GPC6: variants seen among roughly 807,000 people sequenced by gnomAD.
The protein encoded by GPC6 is glypican-6.
A neutral mutation model predicts 55.2 loss-of-function variants in GPC6; 14 were observed. That is an observed-to-expected ratio of 0.25 (90% CI 0.17 to 0.40). The LOEUF is 0.40. Ranked by LOEUF, GPC6 falls within the 10% of genes least tolerant of loss-of-function variation. The probability of loss-of-function intolerance (pLI) is 1.00; values close to 1 mark genes in which losing one functional copy is unlikely to be tolerated. For missense variants in GPC6, 641 were observed against 708.5 expected (o/e 0.90, Z 1.08); for synonymous variants, 278 against 259.6 (o/e 1.07, Z -0.68).
chr13:93,301,867 C>T (rs1007671998), intron 1 of GPC6, among the ~76,000 whole-genome samples: 1 of 152,096 alleles, frequency 6.6e-6, no homozygotes, highest in Non-Finnish European at 1.5e-5. Flanking sequence ...AAATGGTGGA[C>T]CTCCTTGGAG....
intron 2 of GPC6, among the ~76,000 whole-genome samples, chr13:93,784,621 C>T (rs538531834): frequency 6.6e-6 from 1 of 152,164 alleles, no homozygotes; most frequent in Non-Finnish European, 1.5e-5. Flanking sequence ...AGAATCCCAT[C>T]GCTGAAACCT....
Position 93,660,526 on chromosome 13 carries a change from A to G in GPC6, c.319+115105A>G, listed in dbSNP as rs547106838. Among the ~76,000 whole-genome samples the G allele has an allele frequency of 1.5e-3, 222 of 152,316 alleles. 1 individual carries two copies. The highest frequency in any genetic ancestry group is 5.0e-3 in the African/African-American group (207 of 41,586). On this transcript the variant is annotated intron_variant, in intron 2 of 8. Coordinates refer to ENST00000377047, the MANE Select transcript of GPC6 (RefSeq NM_005708.5). The stretch of plus-strand genomic sequence containing the variant: ...TTAGTTAAGCTTAGTTTTTTAAAAA[A>G]ATCATGGACCTATGATTCTGGAAGG...
At chr13:93,961,258 CTT>C (rs1276133601) in intron 3 of GPC6, among the ~76,000 whole-genome samples, 8 of 152,134 alleles carry the variant, frequency 5.3e-5, no homozygotes, top group Non-Finnish European at 1.0e-4. Context: ...TAAATAATCT[CTT>C]GAGTCTTAAC....
intron 3 of GPC6, among the ~76,000 whole-genome samples, chr13:94,016,149 G>A (rs1882458145): frequency 6.6e-6 from 1 of 152,104 alleles, no homozygotes; most frequent in East Asian, 1.9e-4. Flanking sequence ...CTGTCCTTTT[G>A]TGACTGGCTT....
At chr13:93,626,843 A>G (rs1879224134) in intron 2 of GPC6, among the ~76,000 whole-genome samples, 1 of 151,950 alleles carries the variant, frequency 6.6e-6, no homozygotes, top group Non-Finnish European at 1.5e-5. Flanking sequence ...TAACTTATAA[A>G]GAAAACAGGT....
chr13:93,762,026 C>T (rs1884969888), intron 2 of GPC6, among the ~76,000 whole-genome samples: 2 of 152,172 alleles, frequency 1.3e-5, no homozygotes, highest in Admixed American at 6.5e-5. Flanking sequence ...CATTGACTCT[C>T]CTTTTCCCCT....
chr13:93,725,412 A>G (rs1471332781), intron 2 of GPC6, among the ~76,000 whole-genome samples: 2 of 152,110 alleles, frequency 1.3e-5, no homozygotes, highest in Non-Finnish European at 2.9e-5. Context: ...CCTTTCTCCT[A>G]AAAGCAGAAT....
rs74551904 is a variant in GPC6 at position 94,054,990 on chromosome 13, G to A, written c.877+27096G>A. 3.0e-3 allele frequency among the ~76,000 whole-genome samples: 463 copies of A among 152,136 alleles called. 21 individuals are homozygous for A. The East Asian group carries it at 0.083, about 27-fold the overall frequency. On this transcript the variant is annotated intron_variant, in intron 4 of 8. Transcript: ENST00000377047. ...AATCCCCATTCCAAATACACAAAACGTATTTGAAAAATGACTAGAAGTAAT... is the reference window on the plus strand; with the variant it reads ...AATCCCCATTCCAAATACACAAAACATATTTGAAAAATGACTAGAAGTAAT...
intron 2 of GPC6, among the ~76,000 whole-genome samples, chr13:93,727,191 T>C (rs1883674285): frequency 6.6e-6 from 1 of 152,130 alleles, no homozygotes; most frequent in Non-Finnish European, 1.5e-5. Context: ...GATGTGTAAC[T>C]CTGAAGATAA....
At chr13:93,486,157 G>T (rs1246030106) in intron 1 of GPC6, among the ~76,000 whole-genome samples, 1 of 152,174 alleles carries the variant, frequency 6.6e-6, no homozygotes, top group Non-Finnish European at 1.5e-5. Context: ...ATAATCTAAA[G>T]TAATCTGTGG....
chr13:94,048,997 C>T (rs1007663231), intron 4 of GPC6, among the ~76,000 whole-genome samples: 5 of 152,016 alleles, frequency 3.3e-5, no homozygotes, highest in Non-Finnish European at 7.4e-5. Flanking sequence ...AATCCCAGCA[C>T]TTTGGGAGGC....
chr13:93,498,905 G>A (rs965421406), intron 1 of GPC6, among the ~76,000 whole-genome samples: 2 of 151,968 alleles, frequency 1.3e-5, no homozygotes, highest in African/African-American at 4.8e-5. Context: ...CCCATGAATT[G>A]GATTATTTGT....
chr13:94,083,922 G>A (rs1594722866), intron 4 of GPC6, among the ~76,000 whole-genome samples: 2 of 152,176 alleles, frequency 1.3e-5, no homozygotes, highest in African/African-American at 4.8e-5. Context: ...GCTATATAAT[G>A]CTTGTCAGTT....
At chr13:94,386,969 C>A (rs1475713306) in intron 7 of GPC6, among the ~76,000 whole-genome samples, 1 of 152,188 alleles carries the variant, frequency 6.6e-6, no homozygotes, top group Non-Finnish European at 1.5e-5. Flanking sequence ...TTTCTGACAT[C>A]AAAATGACTC....
chr13:94,384,703 T>C (rs1880325083), intron 7 of GPC6, among the ~76,000 whole-genome samples: 1 of 152,086 alleles, frequency 6.6e-6, no homozygotes, highest in Non-Finnish European at 1.5e-5. Context: ...TCAGACAGGG[T>C]AAACAATTAG....
intron 1 of GPC6, among the ~76,000 whole-genome samples, chr13:93,498,016 CTTCTATATGCT>C (rs952250944): frequency 6.6e-6 from 1 of 152,184 alleles, no homozygotes; most frequent in African/African-American, 2.4e-5. Flanking sequence ...AGGATGTCAT[CTTCTATATGCT>C]TTCTTGAGTC....
intron 3 of GPC6, among the ~76,000 whole-genome samples, chr13:93,989,848 CAA>C (rs1881213951): frequency 1.3e-5 from 2 of 150,896 alleles, no homozygotes; most frequent in African/African-American, 4.9e-5. Flanking sequence ...AATGAAAATA[CAA>C]AGAGTCAGTT....
intron 2 of GPC6, among the ~76,000 whole-genome samples, chr13:93,798,888 C>T (rs1273207463): frequency 7.9e-6 from 1 of 127,136 alleles, no homozygotes; most frequent in Non-Finnish European, 1.6e-5. Context: ...CACTGCACTC[C>T]AGCCTGGGTG....
At chr13:93,891,048 G>A (rs1212054860) in intron 3 of GPC6, among the ~76,000 whole-genome samples, 1 of 151,690 alleles carries the variant, frequency 6.6e-6, no homozygotes, top group Non-Finnish European at 1.5e-5. Context: ...GAAATACAAA[G>A]GTATAATTTT....
Sources: gnomAD v4.1 joint callset for allele counts (sites outside exome capture counted in the v4.1 genomes callset) on GRCh38, gnomAD v4.1.1 for gene constraint, MANE v1.5 for transcripts, NCBI Gene and HGNC (gene_info 2026-07-23, HGNC 2026-07-21) for gene names.